KDM2B: variants seen among roughly 807,000 people sequenced by gnomAD.
KDM2B encodes the protein lysine-specific demethylase 2B.
In KDM2B, 26 loss-of-function variants were observed where a neutral mutation model predicts 150.0. The observed-to-expected ratio is 0.17, with a 90% CI of 0.13 to 0.24. The LOEUF (loss-of-function observed/expected upper bound fraction) is 0.24. KDM2B is among the 10% of genes least tolerant of loss of function. The probability of loss-of-function intolerance (pLI) is 1.00; values close to 1 mark genes in which losing one functional copy is unlikely to be tolerated. For synonymous variants in KDM2B, 734 were observed against 729.5 expected (o/e 1.01, Z -0.10); for missense variants, 1,265 against 1,816.9 (o/e 0.70, Z 5.52).
chr12:121,511,120 C>T (rs1466317480), intron 10 of KDM2B, among the ~76,000 whole-genome samples: 1 of 151,562 alleles, frequency 6.6e-6, no homozygotes, highest in Non-Finnish European at 1.5e-5. Flanking sequence ...AAGGGATTCT[C>T]CTGCCTCAGC....
intron 4 of KDM2B, among the ~76,000 whole-genome samples, chr12:121,553,149 G>A (rs1228133869): frequency 4.0e-5 from 6 of 151,686 alleles, no homozygotes; most frequent in African/African-American, 9.7e-5. Context: ...GGAGAATGGC[G>A]TGAACCCGGG....
chr12:121,556,831 G>A (rs988349548), intron 4 of KDM2B, among the ~76,000 whole-genome samples: 8 of 149,616 alleles, frequency 5.3e-5, no homozygotes, highest in Non-Finnish European at 1.0e-4. Flanking sequence ...CAACCTGGGC[G>A]ACAGAGTGAG....
intron 13 of KDM2B, among the ~76,000 whole-genome samples, chr12:121,446,133 C>T (rs562761148): frequency 1.2e-4 from 18 of 152,344 alleles, no homozygotes; most frequent in Admixed American, 3.3e-4. Context: ...CGGTGGCTCA[C>T]GCCTGTAATC....
At chr12:121,433,002 G>A (rs1873312598) in intron 22 of KDM2B, 1 of 391,614 alleles carries the variant, frequency 2.6e-6, no homozygotes, top group Non-Finnish European at 5.0e-6. Context: ...GGCCTCAAGT[G>A]CATCCTGGCA....
intron 2 of KDM2B, among the ~76,000 whole-genome samples, chr12:121,577,530 A>C (rs1419708971): frequency 6.6e-6 from 1 of 152,146 alleles, no homozygotes; most frequent in Admixed American, 6.5e-5. Flanking sequence ...CCAGCGCTCC[A>C]GGAGGCAATG....
chr12:121,467,415 G>T lies in KDM2B; in HGVS notation c.1735-14071C>A. The T allele has an allele frequency of 1.1e-6, 1 of 913,708 alleles. No individual in the cohort carries two copies. Among genetic ancestry groups the T allele is most frequent in the Non-Finnish European group, 1.3e-6 (1 of 767,174 alleles). The allele number at this position is 913,708 out of a possible 1,614,324, so 56.6% of individuals were successfully genotyped here. ...GGAGGGGCCGGCGGGGGAGGGCCGG[G>T]GCGCCATGCATATGCATGAGGCGAG... is the stretch of plus-strand genomic sequence containing the variant. On this transcript the variant is annotated intron_variant, in intron 12 of 22. Transcript: ENST00000377071. This position sits in a 1 kb window ranked among gnomAD's most constrained non-coding sequence, Gnocchi z 5.1.
rs956413071 is a variant in KDM2B, at chr12:121,520,826, C to A, written c.1047+159G>T. ...TCCTACAGGCATTCCCCTGCCCCCC[C>A]TCCCCCGCCACAGAACCAGGACTGA... is the stretch of plus-strand genomic sequence containing the variant. On this transcript the variant is annotated intron_variant, in intron 9 of 22. Coordinates refer to ENST00000377071, the MANE Select transcript of KDM2B (RefSeq NM_032590.5). The surrounding 1 kb of genome is among the most constrained non-coding windows in gnomAD (Gnocchi z 4.5). Among the ~76,000 whole-genome samples, 3 of 152,014 alleles carry A rather than the reference C, an allele frequency of 2.0e-5. No individual in the cohort carries two copies. Among genetic ancestry groups the A allele is most frequent in the Admixed American group, 6.6e-5 (1 of 15,258 alleles).
chr12:121,544,604 C>T (rs901492227), intron 6 of KDM2B, among the ~76,000 whole-genome samples: 5 of 144,440 alleles, frequency 3.5e-5, no homozygotes, highest in African/African-American at 1.3e-4. Flanking sequence ...AGTGAGTCTC[C>T]GTCCCCCCCC....
chr12:121,524,646 A>C (rs907502361), intron 8 of KDM2B: 1 of 447,468 alleles, frequency 2.2e-6, no homozygotes, highest in Non-Finnish European at 4.5e-6. Context: ...GAGGTGTGGA[A>C]ATAACAGCGT....
At chr12:121,498,443 G>A (rs1884198175) in intron 11 of KDM2B, among the ~76,000 whole-genome samples, 1 of 152,192 alleles carries the variant, frequency 6.6e-6, no homozygotes, top group Non-Finnish European at 1.5e-5. Context: ...AAGCCCACCA[G>A]ATCTTTAATT....
intron 4 of KDM2B, among the ~76,000 whole-genome samples, chr12:121,568,156 C>T (rs1332589941): frequency 6.6e-6 from 1 of 152,066 alleles, no homozygotes; most frequent in Non-Finnish European, 1.5e-5. Context: ...CCTGATGAGA[C>T]ATTTCAGAAA....
chr12:121,433,398 A>G (rs1172897599), intron 22 of KDM2B, among the ~76,000 whole-genome samples: 3 of 152,146 alleles, frequency 2.0e-5, no homozygotes, highest in African/African-American at 7.2e-5. Flanking sequence ...GCCTTTAAAC[A>G]TTTTAGATCT....
intron 6 of KDM2B, among the ~76,000 whole-genome samples, chr12:121,540,000 A>C (rs1272808497): frequency 2.0e-5 from 3 of 152,074 alleles, no homozygotes; most frequent in Admixed American, 2.0e-4. Flanking sequence ...TGGACCTCCT[A>C]AAGTGCTGAG....
At chr12:121,415,244 C>A in the KDM2B span, 1 of 277,626 alleles carries the variant, frequency 3.6e-6, no homozygotes, top group Non-Finnish European at 8.1e-6. Flanking sequence ...TTTTCCAAGT[C>A]ATTTAAAAAA....
chr12:121,475,182 CTG>C (rs60083867), intron 12 of KDM2B, among the ~76,000 whole-genome samples: 25,907 of 139,188 alleles, frequency 0.19, 2,440 homozygotes, highest in African/African-American at 0.33. Flanking sequence ...ACACATGACT[CTG>C]TGTGTGTGTG....
chr12:121,459,700 C>CA (rs1878829993), intron 12 of KDM2B, among the ~76,000 whole-genome samples: 1 of 152,062 alleles, frequency 6.6e-6, no homozygotes, highest in Non-Finnish European at 1.5e-5. Flanking sequence ...TGTGGTTGCA[C>CA]ATGCCTGTAA....
chr12:121,522,224 C>A (rs1487096397), intron 8 of KDM2B, among the ~76,000 whole-genome samples: 3 of 151,980 alleles, frequency 2.0e-5, no homozygotes, highest in African/African-American at 7.3e-5. Context: ...AAAGTATATA[C>A]TATATTCATG....
chr12:121,463,888 T>A (rs946489152), intron 12 of KDM2B, among the ~76,000 whole-genome samples: 1 of 152,048 alleles, frequency 6.6e-6, no homozygotes, highest in Non-Finnish European at 1.5e-5. Flanking sequence ...CCTGTAGTCA[T>A]TTTTATAGAA....
At chr12:121,422,914 A>G in the KDM2B span, among the ~76,000 whole-genome samples, 5 of 142,108 alleles carry the variant, frequency 3.5e-5, no homozygotes, top group African/African-American at 1.5e-4. Flanking sequence ...TAACTTTCCT[A>G]AGGGGGAACT....
Sources: gnomAD v4.1 joint callset for allele counts (sites outside exome capture counted in the v4.1 genomes callset) on GRCh38, gnomAD v4.1.1 for gene constraint, Gnocchi (gnomAD v3.1) non-coding constraint, MANE v1.5 for transcripts, NCBI Gene and HGNC (gene_info 2026-07-23, HGNC 2026-07-21) for gene names.